The following WNK2 variants were observed in gnomAD, a reference collection of about 807,000 sequenced individuals.
WNK2 encodes WNK lysine deficient protein kinase 2, also known as serine/threonine-protein kinase WNK2.
Under a neutral mutation model 192.1 loss-of-function variants are expected in WNK2, and 67 were observed. That is an observed-to-expected ratio of 0.35 (90% CI 0.29 to 0.43). The LOEUF is 0.43. Ranked by LOEUF, WNK2 falls within the 20% of genes least tolerant of loss-of-function variation. WNK2 has a pLI of 1.00. For missense variants in WNK2, 2,698 were observed against 3,089.7 expected, an observed-to-expected ratio of 0.87 and a Z score of 3.01; for synonymous variants, 1,439 against 1,393.9, an observed-to-expected ratio of 1.03 and a Z score of -0.72.
intron 16 of WNK2, among the ~76,000 whole-genome samples, chr9:93,266,714 G>A (rs940794686): frequency 6.6e-6 from 1 of 152,206 alleles, no homozygotes; most frequent in Non-Finnish European, 1.5e-5. Context: ...GGTGCTCCTG[G>A]GGTTGGGGTC....
intron 23 of WNK2, among the ~76,000 whole-genome samples, chr9:93,297,363 C>A (rs1391378171): frequency 6.6e-6 from 1 of 152,280 alleles, no homozygotes; most frequent in East Asian, 1.9e-4. Context: ...GTGGCATGGC[C>A]CCTGGAAGTC....
At chr9:93,215,802 G>A (rs750788702) in intron 2 of WNK2, among the ~76,000 whole-genome samples, 1 of 152,086 alleles carries the variant, frequency 6.6e-6, no homozygotes, top group Non-Finnish European at 1.5e-5. Flanking sequence ...TGGATCCCCT[G>A]GGAATTTGTT....
At chr9:93,228,079 G>A (rs1254861536) in intron 2 of WNK2, among the ~76,000 whole-genome samples, 1 of 152,164 alleles carries the variant, frequency 6.6e-6, no homozygotes, top group Non-Finnish European at 1.5e-5. Context: ...GTTGGTCTCT[G>A]AATTATTTGT....
chr9:93,264,080 G>C (rs542228431), intron 16 of WNK2, 47 bp downstream of exon 16: 1 of 1,419,740 alleles, frequency 7.0e-7, no homozygotes, highest in Non-Finnish European at 9.8e-7. Context: ...TCTTGGACAC[G>C]TGTGGGCCTG....
At chr9:93,203,197 G>A (rs1832791814) in intron 2 of WNK2, among the ~76,000 whole-genome samples, 1 of 152,164 alleles carries the variant, frequency 6.6e-6, no homozygotes, top group Non-Finnish European at 1.5e-5. Flanking sequence ...AGTACCCTTT[G>A]CTGAACTCAG....
rs1222629787 is a variant in WNK2 at position 93,317,629 on chromosome 9, C to T, written c.6626C>T (p.Pro2209Leu). The change falls in exon 29 of 30, where the codon CCA becomes CTA. Residue 2209 changes from proline to leucine, a missense_variant and splice_region_variant. Coordinates refer to ENST00000427277, the MANE Select transcript of WNK2 (RefSeq NM_006648.4). The part of the protein sequence containing the change: ...GAAPTLSVPT[P>L]DPESEKPD Reference sequence around the variant, plus strand: ...GCCCCGACCCTGTCCGTGCCCACACCAGGTACTGCCCTCTCCAACCTCCCA... The same window carrying T: ...GCCCCGACCCTGTCCGTGCCCACACTAGGTACTGCCCTCTCCAACCTCCCA... 9 of 1,612,630 alleles carry T rather than the reference C, an allele frequency of 5.6e-6. No individual in the cohort carries two copies. Among genetic ancestry groups the T allele is most frequent in the South Asian group, 1.1e-5 (1 of 91,042 alleles).
intron 4 of WNK2, 139 bp from the exon 5 acceptor site, chr9:93,234,669 G>A: frequency 9.9e-7 from 1 of 1,005,600 alleles, no homozygotes; most frequent in Non-Finnish European, 1.4e-6. Context: ...GCTGGCCCTG[G>A]GGTCCAGGTG....
intron 28 of WNK2, among the ~76,000 whole-genome samples, chr9:93,311,890 G>A (rs1853722446): frequency 8.0e-6 from 1 of 124,674 alleles, no homozygotes; most frequent in Non-Finnish European, 2.0e-5. Flanking sequence ...AAAGTGCTGG[G>A]ATTACAGGCG....
rs1286392023 is a variant in WNK2 at position 93,268,050 on chromosome 9, G to A, written c.3898G>A (p.Val1300Met). The A allele has an allele frequency of 3.7e-6, 6 of 1,611,706 alleles. No homozygotes were observed. The highest frequency in any genetic ancestry group is 1.7e-5 in the Admixed American group (1 of 59,820). ...CCGACAATCCCAAGCCAACGCCCCC[G>A]TGTATCAGCAGAACGGTGAGTCTGC... Reference protein sequence around the residue: ...ESRQSQANAPVYQQNVLHTGK... With the variant: ...ESRQSQANAPMYQQNVLHTGK... The change falls in exon 18 of 30, where the codon GTG (valine) becomes ATG (methionine). Residue 1300 changes from valine to methionine, a missense_variant. Physicochemically the swap from Val to Met is conservative, Grantham distance 21. Transcript: ENST00000427277.
intron 28 of WNK2, chr9:93,316,653 T>C (rs1278631326): frequency 6.6e-6 from 1 of 152,282 alleles, no homozygotes; most frequent in Non-Finnish European, 1.5e-5. Flanking sequence ...TTGTCCATTC[T>C]TGTGGGTTTT....
chr9:93,315,367 C>A (rs970083830), intron 28 of WNK2: 4 of 152,236 alleles, frequency 2.6e-5, no homozygotes, highest in African/African-American at 9.6e-5. Context: ...TCTGCACTTA[C>A]GGCTCAGACC....
chr9:93,222,765 C>A (rs747627804), intron 2 of WNK2, among the ~76,000 whole-genome samples: 3 of 151,092 alleles, frequency 2.0e-5, no homozygotes, highest in Non-Finnish European at 4.4e-5. Context: ...TCACTACAAC[C>A]TCCACCTCCC....
In WNK2 at chr9:93,263,905, T is replaced by C; in HGVS notation, c.3580-12T>C. 6.2e-7 allele frequency: 1 copy of C among 1,607,318 alleles called. No individual in the cohort carries two copies. The highest frequency in any genetic ancestry group is 2.2e-5 in the East Asian group (1 of 44,654). Reference sequence around the variant, plus strand: ...GTACGCCCGTGGTGGGTGCTGATGCTGCCCCTTCCAGGTGTGCAACACTGG... The same window carrying C: ...GTACGCCCGTGGTGGGTGCTGATGCCGCCCCTTCCAGGTGTGCAACACTGG... On this transcript the variant is annotated splice_polypyrimidine_tract_variant and intron_variant, in intron 15 of 29. Transcript: ENST00000427277.
At position 93,253,003 on chromosome 9, in the gene WNK2, G is replaced by T; in HGVS notation, c.1955G>T (p.Cys652Phe). The T allele has an allele frequency of 6.4e-7, 1 of 1,561,548 alleles. No homozygotes were observed. Among genetic ancestry groups the T allele is most frequent in the Admixed American group, 1.9e-5 (1 of 52,548 alleles). The change falls in exon 9 of 30, where the codon TGC becomes TTC. Residue 652 changes from cysteine to phenylalanine, a missense_variant. Cys to Phe is a radical substitution (Grantham distance 205). This residue lies in a region of WNK2 where 893 missense variants were observed against 909.0 expected (regional missense o/e 0.98). Coordinates refer to ENST00000427277, the MANE Select transcript of WNK2 (RefSeq NM_006648.4). Reference protein sequence around the residue: ...DAAPSPAQCVCSPPVSEGPVL... With the variant: ...DAAPSPAQCVFSPPVSEGPVL... ...GCGCCGTCCCCGGCCCAGTGTGTGTGCAGCCCCCCTGTGAGCGAGGGGCCC... is the reference window on the plus strand; with the variant it reads ...GCGCCGTCCCCGGCCCAGTGTGTGTTCAGCCCCCCTGTGAGCGAGGGGCCC...
At chr9:93,275,018 A>T (rs1846582803) in intron 19 of WNK2, among the ~76,000 whole-genome samples, 1 of 151,814 alleles carries the variant, frequency 6.6e-6, no homozygotes, top group Non-Finnish European at 1.5e-5. Context: ...CATAGAGGGC[A>T]AATATTCTCA....
chr9:93,259,686 G>C lies in WNK2; in HGVS notation c.3066+72G>C. The C allele has an allele frequency of 2.9e-6, 4 of 1,386,486 alleles. No individual in the cohort carries two copies. The South Asian group carries it at 5.9e-5, about 20-fold the overall frequency. 85.9% of individuals were successfully genotyped at this position (1,386,486 alleles called of 1,614,324 possible). On this transcript the variant is annotated intron_variant, in intron 12 of 29. Coordinates refer to ENST00000427277, the MANE Select transcript of WNK2 (RefSeq NM_006648.4). The surrounding 1 kb of genome is among the most constrained non-coding windows in gnomAD (Gnocchi z 4.8). ...CCTCAGGACCCAGAGATGCAAAGGA[G>C]GACAGAGGCAGGCAAGGAGGCAGCC...
rs961067168 is a variant in WNK2 at position 93,213,393 on chromosome 9, G to A, written c.682-16303G>A. ...TGTAATGGTAATTTTAACAACCAAT[G>A]TGTATTCTCAGATGTGGCTGCCCTG... is the stretch of plus-strand genomic sequence containing the variant. On this transcript the variant is annotated intron_variant, in intron 2 of 29. Coordinates refer to ENST00000427277, the MANE Select transcript of WNK2 (RefSeq NM_006648.4). 7.2e-5 allele frequency among the ~76,000 whole-genome samples: 11 copies of A among 152,198 alleles called. No individual in the cohort carries two copies. In the East Asian group the frequency reaches 2.1e-3, roughly 29 times the overall value.
chr9:93,286,268 C>T (rs1050307167), intron 19 of WNK2, among the ~76,000 whole-genome samples: 1 of 152,078 alleles, frequency 6.6e-6, no homozygotes, highest in African/African-American at 2.4e-5. Context: ...TACAGATAGC[C>T]CCCAGACAGT....
intron 19 of WNK2, among the ~76,000 whole-genome samples, chr9:93,286,025 C>T (rs189498071): frequency 6.6e-6 from 1 of 152,158 alleles, no homozygotes; most frequent in East Asian, 1.9e-4. Flanking sequence ...TAACAAGTCG[C>T]TTGTGAATCT....
Sources: allele counts gnomAD v4.1 joint callset (sites outside exome capture counted in the v4.1 genomes callset), GRCh38; gene constraint gnomAD v4.1.1; regional missense constraint gnomAD v4.1.1; non-coding constraint Gnocchi (gnomAD v3.1); transcripts MANE v1.5; gene names NCBI Gene and HGNC (gene_info 2026-07-23, HGNC 2026-07-21).